Variants in LYSMD4 observed in about 807,000 individuals in gnomAD.
The protein encoded by LYSMD4 is lysM and putative peptidoglycan-binding domain-containing protein 4.
Under a neutral mutation model 6.1 loss-of-function variants are expected in LYSMD4, and 9 were observed. That is an observed-to-expected ratio of 1.47 (90% confidence interval 0.88 to 2.56). The LOEUF (loss-of-function observed/expected upper bound fraction) is 2.56. Among genes scored for constraint, LYSMD4 ranks in the 30% most tolerant of loss-of-function variants. The pLI is 0.00. For synonymous variants in LYSMD4, 143 were observed against 148.5 expected (o/e 0.96, Z 0.27); for missense variants, 384 against 373.5 (o/e 1.03, Z -0.23).
At chr15:99,718,870 CT>C (rs2059215270), upstream of LYSMD4, among the ~76,000 whole-genome samples, 2 of 152,116 alleles carry the variant, frequency 1.3e-5, no homozygotes, top group African/African-American at 4.8e-5. Flanking sequence ...CTTTCGGACT[CT>C]TTCTGCAGAC....
chr15:99,724,359 C>G (rs1242371578), downstream of LYSMD4, among the ~76,000 whole-genome samples: 4 of 152,224 alleles, frequency 2.6e-5, no homozygotes, highest in Admixed American at 2.6e-4. Flanking sequence ...CTCCCAGGCT[C>G]AAGCCATTCT....
downstream of LYSMD4, among the ~76,000 whole-genome samples, chr15:99,726,154 T>TTTTTTG (rs2059279319): frequency 7.4e-6 from 1 of 134,832 alleles, no homozygotes; most frequent in Non-Finnish European, 1.6e-5. Flanking sequence ...TGGTTTTTTT[T>TTTTTTG]TTTTTTTTTT....
chr15:99,731,094 T>C, intron 2 of LYSMD4: 3 of 1,370,572 alleles, frequency 2.2e-6, no homozygotes, highest in South Asian at 1.2e-5. Context: ...CATACAAATC[T>C]GTAGCACAGT....
chr15:99,718,184 C>T (rs1419132583), upstream of LYSMD4, among the ~76,000 whole-genome samples: 3 of 152,106 alleles, frequency 2.0e-5, no homozygotes, highest in African/African-American at 4.8e-5. Context: ...GAATACTGAT[C>T]GGTTATTTTG....
downstream of LYSMD4, among the ~76,000 whole-genome samples, chr15:99,724,911 G>T (rs891390534): frequency 4.6e-5 from 7 of 152,194 alleles, no homozygotes; most frequent in African/African-American, 1.7e-4. Context: ...AGGGGCAGTG[G>T]GGTGTGACTG....
At position 99,733,350 on chromosome 15, in the gene LYSMD4, C is replaced by T. The variant is rs1356957392; in HGVS notation, c.-14G>A. On this transcript the variant is annotated 5_prime_UTR_variant, in exon 1 of 3. Coordinates refer to ENST00000684762, the MANE Select transcript of LYSMD4 (RefSeq NM_001284417.2). The stretch of plus-strand genomic sequence containing the variant: ...CCTCGTCCAGGCCCCGGTACCTCAG[C>T]GCCCAGGCTCCGCCGCGACCGGCGA... 1.5e-5 allele frequency: 6 copies of T among 394,062 alleles called. No individual in the cohort carries two copies. The highest frequency in any genetic ancestry group is 2.7e-5 in the Non-Finnish European group (6 of 223,088). The allele number at this position is 394,062 out of a possible 1,614,324, so 24.4% of individuals were successfully genotyped here. A position where few individuals can be genotyped will look rare whatever the true frequency, so the allele number is the denominator to read the frequency against.
At chr15:99,717,870 C>A (rs1279520946), upstream of LYSMD4, 2 of 152,206 alleles carry the variant, frequency 1.3e-5, no homozygotes, top group Admixed American at 1.3e-4. Context: ...ACTACACAGT[C>A]CCCCCTTTTT....
chr15:99,726,250 TC>T (rs2059281404), downstream of LYSMD4, among the ~76,000 whole-genome samples: 1 of 141,160 alleles, frequency 7.1e-6, no homozygotes, highest in East Asian at 2.3e-4. Flanking sequence ...CTCAAGCCAT[TC>T]CCGTGCCACA....
In LYSMD4 at chr15:99,728,921, C is replaced by T. The variant is rs906690360; in HGVS notation, c.*202G>A. ...CACCTCTCTGGATAGGGGCCGAGGTCGCTGCTGTTTTAGATCCTGCCAGCT... is the reference window on the plus strand; with the variant it reads ...CACCTCTCTGGATAGGGGCCGAGGTTGCTGCTGTTTTAGATCCTGCCAGCT... On this transcript the variant is annotated 3_prime_UTR_variant, in exon 3 of 3. Transcript: ENST00000684762. The T allele has an allele frequency of 4.4e-6, 3 of 680,700 alleles. No individual in the cohort carries two copies. The highest frequency in any genetic ancestry group is 7.4e-6 in the Non-Finnish European group (3 of 404,988). 42.2% of individuals were successfully genotyped at this position (680,700 alleles called of 1,614,324 possible). A position where few individuals can be genotyped will look rare whatever the true frequency, so the allele number is the denominator to read the frequency against.
At chr15:99,726,393 C>T (rs1303926112), downstream of LYSMD4, among the ~76,000 whole-genome samples, 3 of 152,194 alleles carry the variant, frequency 2.0e-5, no homozygotes, top group Non-Finnish European at 4.4e-5. Flanking sequence ...ATCCATCCGC[C>T]TCGGCCTTCC....
At chr15:99,726,584 TTCCTCACCTCTGCTG>T (rs368712534), downstream of LYSMD4, among the ~76,000 whole-genome samples, 66 of 152,002 alleles carry the variant, frequency 4.3e-4, no homozygotes, top group African/African-American at 1.5e-3. Context: ...GGGCCACACC[TTCCTCACCTCTGCTG>T]GGCAGTGGCG....
chr15:99,731,724 G>T lies in LYSMD4; in HGVS notation c.276C>A (p.Gly92=). ...DSLNKLALQY[G]CKVADIKKVN... ...CCCCTGAGGGGTGTCTTACTTTGCAGCCATACTGCAGCGCCAGCTTGTTGA... is the reference window on the plus strand; with the variant it reads ...CCCCTGAGGGGTGTCTTACTTTGCATCCATACTGCAGCGCCAGCTTGTTGA... The change falls in exon 2 of 3, where the codon GGC becomes GGA. Residue 92 remains glycine, a synonymous_variant. Transcript: ENST00000684762. 1 of 1,592,468 alleles carries T rather than the reference G, an allele frequency of 6.3e-7. No individual in the cohort carries two copies. The highest frequency in any genetic ancestry group is 8.6e-7 in the Non-Finnish European group (1 of 1,169,582).
chr15:99,729,815 G>T (rs1395920233), intron 2 of LYSMD4, 84 bp from the exon 3 acceptor site: 30 of 1,458,810 alleles, frequency 2.1e-5, no homozygotes, highest in Non-Finnish European at 2.5e-5. Context: ...TAATCTTTCT[G>T]GGTGATGATT....
intron 2 of LYSMD4, 70 bp from the exon 3 acceptor site, chr15:99,729,801 C>T: frequency 6.7e-7 from 1 of 1,500,650 alleles, no homozygotes; most frequent in African/African-American, 1.4e-5. Context: ...CAAAAAGTGG[C>T]TCTTAATCTT....
intron 1 of LYSMD4, 68 bp downstream of exon 1, chr15:99,733,277 C>A: frequency 2.6e-6 from 1 of 386,840 alleles, no homozygotes; most frequent in South Asian, 1.3e-4. Context: ...GAGGCCAGGT[C>A]GCCGTACCGC....
Position 99,731,649 on chromosome 15 carries a change from C to A in LYSMD4, c.282+69G>T, listed in dbSNP as rs993174423. On this transcript the variant is annotated intron_variant, in intron 2 of 2. Transcript: ENST00000684762. ...AGGGTTAAGAAGGGCGGCAAGGGCA[C>A]CCACCCTGCAGTGAGTTCCCCGTGT... is the stretch of plus-strand genomic sequence containing the variant. The A allele has an allele frequency of 1.1e-5, 17 of 1,522,854 alleles. No individual in the cohort carries two copies. In the African/African-American group the frequency reaches 1.7e-4, roughly 15 times the overall value. The allele number at this position is 1,522,854 out of a possible 1,614,324, so 94.3% of individuals were successfully genotyped here.
chr15:99,723,077 T>C (rs1043019172), downstream of LYSMD4, among the ~76,000 whole-genome samples: 1 of 151,808 alleles, frequency 6.6e-6, no homozygotes, highest in African/African-American at 2.4e-5. Flanking sequence ...GGAATTACTA[T>C]AGATTAGACA....
downstream of LYSMD4, among the ~76,000 whole-genome samples, chr15:99,722,484 T>A (rs1437861356): frequency 1.3e-5 from 2 of 152,036 alleles, no homozygotes; most frequent in African/African-American, 4.8e-5. Flanking sequence ...AACATAAAAT[T>A]CACCATGTCT....
downstream of LYSMD4, among the ~76,000 whole-genome samples, chr15:99,726,586 C>T (rs554924744): frequency 6.6e-6 from 1 of 152,124 alleles, no homozygotes; most frequent in East Asian, 1.9e-4. Flanking sequence ...GCCACACCTT[C>T]CTCACCTCTG....
Sources: gnomAD v4.1 joint callset for allele counts (sites outside exome capture counted in the v4.1 genomes callset) on GRCh38, gnomAD v4.1.1 for gene constraint, MANE v1.5 for transcripts, NCBI Gene and HGNC (gene_info 2026-07-23, HGNC 2026-07-21) for gene names.